The following CA10 variants were observed in gnomAD, a reference collection of about 807,000 sequenced individuals.
The protein encoded by CA10 is carbonic anhydrase-related protein 10.
Under a neutral mutation model 44.2 loss-of-function variants are expected in CA10, and 14 were observed. That is an observed-to-expected ratio of 0.32 (90% CI 0.21 to 0.50). The LOEUF is 0.50. CA10 is among the 20% of genes least tolerant of loss of function. The pLI, the probability that CA10 is intolerant of heterozygous loss-of-function variation, is 0.99. For synonymous variants in CA10, 159 were observed against 141.6 expected (o/e 1.12, Z -0.87); for missense variants, 350 against 409.7 (o/e 0.85, Z 1.26).
At chr17:51,687,121 G>T (rs1915035586) in intron 4 of CA10, among the ~76,000 whole-genome samples, 1 of 152,136 alleles carries the variant, frequency 6.6e-6, no homozygotes, top group Admixed American at 6.5e-5. Context: ...AACCCTCAAT[G>T]ACTTTCTACA....
At chr17:51,779,911 C>A (rs751609214) in intron 3 of CA10, among the ~76,000 whole-genome samples, 1 of 152,168 alleles carries the variant, frequency 6.6e-6, no homozygotes, top group Non-Finnish European at 1.5e-5. Flanking sequence ...GGCACCTCAG[C>A]GACATCAGCC....
At chr17:52,127,151 T>C (rs1318892218) in intron 1 of CA10, among the ~76,000 whole-genome samples, 2 of 152,200 alleles carry the variant, frequency 1.3e-5, no homozygotes, top group Admixed American at 6.5e-5. Flanking sequence ...TATGTATCCT[T>C]CTAGAATTTT....
At chr17:51,635,622 A>G (rs1224672883) in intron 7 of CA10, among the ~76,000 whole-genome samples, 3 of 152,198 alleles carry the variant, frequency 2.0e-5, no homozygotes, top group Non-Finnish European at 4.4e-5. Context: ...AGAGGCATGG[A>G]ACAGATTCTT....
At chr17:51,792,875 A>T (rs1326834811) in intron 3 of CA10, among the ~76,000 whole-genome samples, 1 of 152,222 alleles carries the variant, frequency 6.6e-6, no homozygotes, top group African/African-American at 2.4e-5. Context: ...ATTCTCCAAA[A>T]GACTATACGG....
intron 3 of CA10, among the ~76,000 whole-genome samples, chr17:51,856,048 G>A (rs180833561): frequency 1.4e-4 from 21 of 152,260 alleles, no homozygotes; most frequent in African/African-American, 3.9e-4. Context: ...CCTGTGCCCC[G>A]CGCAAATGTG....
chr17:51,727,486 A>T (rs541367465), intron 4 of CA10, among the ~76,000 whole-genome samples: 1 of 152,048 alleles, frequency 6.6e-6, no homozygotes, highest in Admixed American at 6.5e-5. Context: ...GCTCCATGTG[A>T]GTGATGCCCA....
At chr17:51,686,013 A>C (rs772296833) in intron 4 of CA10, among the ~76,000 whole-genome samples, 1 of 150,382 alleles carries the variant, frequency 6.6e-6, no homozygotes, top group South Asian at 2.1e-4. Flanking sequence ...TCCCCACCCA[A>C]ATCTCACCTT....
At chr17:51,729,386 AAC>A (rs1377246498) in intron 4 of CA10, among the ~76,000 whole-genome samples, 2 of 152,126 alleles carry the variant, frequency 1.3e-5, no homozygotes, top group Non-Finnish European at 2.9e-5. Context: ...CACACAAACA[AAC>A]ACACAGTGAG....
At chr17:52,011,694 C>T (rs148102008) in intron 2 of CA10, among the ~76,000 whole-genome samples, 61 of 151,856 alleles carry the variant, frequency 4.0e-4, no homozygotes, top group African/African-American at 1.3e-3. Flanking sequence ...AAGACAAGGA[C>T]GGCATGTATG....
chr17:51,727,816 G>A (rs911681675), intron 4 of CA10, among the ~76,000 whole-genome samples: 3 of 151,860 alleles, frequency 2.0e-5, no homozygotes, highest in Non-Finnish European at 4.4e-5. Flanking sequence ...AAAGACAGAC[G>A]ATGCCCCTGT....
intron 3 of CA10, among the ~76,000 whole-genome samples, chr17:51,898,665 A>G (rs1486532012): frequency 1.3e-5 from 2 of 152,082 alleles, no homozygotes; most frequent in East Asian, 3.8e-4. Flanking sequence ...TTTGGCTGTG[A>G]ATTCATCTGG....
intron 1 of CA10, among the ~76,000 whole-genome samples, chr17:52,079,601 G>C (rs927651648): frequency 2.6e-5 from 4 of 152,172 alleles, no homozygotes; most frequent in African/African-American, 7.2e-5. Context: ...ATCCTTGGGA[G>C]GTTTTAGTCT....
rs147153543 is a variant in CA10, at chr17:52,108,456, C to T, written c.62-36063G>A. On this transcript the variant is annotated intron_variant, in intron 1 of 8. Transcript: ENST00000451037. The stretch of plus-strand genomic sequence containing the variant: ...GCTCACGCCTGTAATCCCAGCACTT[C>T]GGAAGGCCAAGGCAGGCGAATCACG... Among the ~76,000 whole-genome samples, 31 of 151,118 alleles carry T rather than the reference C, an allele frequency of 2.1e-4. No individual in the cohort carries two copies. In the East Asian group the frequency reaches 5.2e-3, roughly 26 times the overall value.
At chr17:52,128,534 G>A (rs1181970393) in intron 1 of CA10, among the ~76,000 whole-genome samples, 3 of 152,034 alleles carry the variant, frequency 2.0e-5, no homozygotes, top group African/African-American at 4.8e-5. Context: ...TTCTAGATAC[G>A]AATGGCTTCT....
At chr17:52,160,005 G>T (rs1445308010), upstream of CA10, 2 of 152,164 alleles carry the variant, frequency 1.3e-5, no homozygotes, top group African/African-American at 4.8e-5. Flanking sequence ...CGCTTGTCCC[G>T]ATTGGGAACT....
At chr17:51,694,895 A>G (rs1915346890) in intron 4 of CA10, among the ~76,000 whole-genome samples, 1 of 152,190 alleles carries the variant, frequency 6.6e-6, no homozygotes, top group Non-Finnish European at 1.5e-5. Context: ...CTTTTCCAGC[A>G]CCATTTATTG....
chr17:51,917,056 T>C (rs975561765), intron 3 of CA10, among the ~76,000 whole-genome samples: 1 of 152,106 alleles, frequency 6.6e-6, no homozygotes, highest in African/African-American at 2.4e-5. Flanking sequence ...ACCTTTCTTC[T>C]GGGAATTGCC....
At chr17:51,972,435 A>C (rs1804054494) in intron 2 of CA10, among the ~76,000 whole-genome samples, 1 of 148,450 alleles carries the variant, frequency 6.7e-6, no homozygotes, top group African/African-American at 2.5e-5. Context: ...AGTTATCTGA[A>C]AACAACAGTT....
At chr17:51,792,451 A>T (rs1045590691) in intron 3 of CA10, among the ~76,000 whole-genome samples, 3 of 152,152 alleles carry the variant, frequency 2.0e-5, no homozygotes, top group Non-Finnish European at 4.4e-5. Flanking sequence ...TGGTGGCAGC[A>T]TATGTTTGTC....
Sources: allele counts gnomAD v4.1 joint callset (sites outside exome capture counted in the v4.1 genomes callset), GRCh38; gene constraint gnomAD v4.1.1; transcripts MANE v1.5; gene names NCBI Gene and HGNC (gene_info 2026-07-23, HGNC 2026-07-21).